Variants in SLC15A1 observed in about 807,000 individuals in gnomAD.
SLC15A1 encodes the protein solute carrier family 15 member 1.
A neutral mutation model predicts 92.9 loss-of-function variants in SLC15A1; 83 were observed. The ratio of observed to expected loss-of-function variants is 0.89; its 90% CI spans 0.75 to 1.07. SLC15A1 has a LOEUF of 1.07. Among genes scored for constraint, SLC15A1 ranks in the 50% least tolerant of loss-of-function variants. The pLI is 0.00. For missense variants in SLC15A1, 857 were observed against 880.1 expected (o/e 0.97, Z 0.33); for synonymous variants, 322 against 318.2 (o/e 1.01, Z -0.13).
At chr13:98,705,023 AT>A (rs1453198702) in intron 16 of SLC15A1, among the ~76,000 whole-genome samples, 1 of 151,870 alleles carries the variant, frequency 6.6e-6, no homozygotes, top group Non-Finnish European at 1.5e-5. Flanking sequence ...ACATGGCAAA[AT>A]CCTGGCTCTA....
chr13:98,722,830 T>G (rs1445403447), intron 5 of SLC15A1, among the ~76,000 whole-genome samples: 1 of 152,176 alleles, frequency 6.6e-6, no homozygotes, highest in African/African-American at 2.4e-5. Flanking sequence ...TTATATACAA[T>G]TTACTCTTGT....
intron 16 of SLC15A1, among the ~76,000 whole-genome samples, chr13:98,705,512 A>G (rs1185268771): frequency 6.6e-6 from 1 of 152,176 alleles, no homozygotes; most frequent in East Asian, 1.9e-4. Flanking sequence ...CCCAGTTTAG[A>G]TCCTTGATCT....
chr13:98,744,147 A>G (rs2088472872), intron 1 of SLC15A1, among the ~76,000 whole-genome samples: 1 of 149,432 alleles, frequency 6.7e-6, no homozygotes, highest in Non-Finnish European at 1.5e-5. Context: ...AGGCTCAGGC[A>G]GGAGGATTGC....
At position 98,686,285 on chromosome 13, in the gene SLC15A1, T is replaced by C; in HGVS notation, c.1840A>G (p.Met614Val). 6.2e-7 allele frequency: 1 copy of C among 1,610,644 alleles called. No individual in the cohort carries two copies. The highest frequency in any genetic ancestry group is 8.5e-7 in the Non-Finnish European group (1 of 1,178,402). The change falls in exon 22 of 23, where the codon ATG (methionine) becomes GTG (valine). Residue 614 changes from methionine to valine, a missense_variant. By Grantham distance (21) the Met-to-Val change is conservative. Transcript: ENST00000376503. ...EFSYSQAPSN[M>V]KSVLQAGWLL... ...CATCCTGCCTGAAGCACCGACTTCATGTTGGAAGGAGCCTGAGGAAGCAAA... is the reference window on the plus strand; with the variant it reads ...CATCCTGCCTGAAGCACCGACTTCACGTTGGAAGGAGCCTGAGGAAGCAAA...
intron 18 of SLC15A1, 110 bp downstream of exon 18, chr13:98,702,370 C>G: frequency 1.2e-6 from 1 of 816,898 alleles, no homozygotes; most frequent in Non-Finnish European, 2.1e-6. Flanking sequence ...ATTGCTGGGA[C>G]AAACCCTATA....
chr13:98,708,765 G>C lies in SLC15A1; in HGVS notation c.1070C>G (p.Ser357Cys). 1 of 1,609,670 alleles carries C rather than the reference G, an allele frequency of 6.2e-7. No individual in the cohort carries two copies. Among genetic ancestry groups the C allele is most frequent in the Non-Finnish European group, 8.5e-7 (1 of 1,178,274 alleles). ...CATGCCAACTGCCATCTTCTTCAAGGAGCTGATGGCACAAGAGAAGAGTGA... is the reference window on the plus strand; with the variant it reads ...CATGCCAACTGCCATCTTCTTCAAGCAGCTGATGGCACAAGAGAAGAGTGA... ...LIAKCGFNFT[S>C]LKKMAVGMVL... The change falls in exon 15 of 23, where the codon TCC (serine) becomes TGC (cysteine). Residue 357 changes from serine to cysteine, a missense_variant and splice_region_variant. Coordinates refer to ENST00000376503, the MANE Select transcript of SLC15A1 (RefSeq NM_005073.4).
chr13:98,684,937 A>G, intron 22 of SLC15A1, 22 bp from the exon 23 acceptor site: 1 of 1,591,216 alleles, frequency 6.3e-7, no homozygotes, highest in South Asian at 1.1e-5. Context: ...TCAGAGTTGG[A>G]GCAGGAAAAA....
intron 1 of SLC15A1, among the ~76,000 whole-genome samples, chr13:98,731,887 T>C (rs2088353198): frequency 6.6e-6 from 1 of 152,172 alleles, no homozygotes; most frequent in South Asian, 2.1e-4. Flanking sequence ...AGTGTAAATC[T>C]GAGACTCAGT....
intron 1 of SLC15A1, among the ~76,000 whole-genome samples, chr13:98,747,258 G>T (rs2088500552): frequency 6.6e-6 from 1 of 152,184 alleles, no homozygotes; most frequent in Admixed American, 6.5e-5. Flanking sequence ...AATGTGGAAA[G>T]GTTCCTCAGG....
intron 1 of SLC15A1, among the ~76,000 whole-genome samples, chr13:98,737,399 G>A (rs1334344303): frequency 2.6e-5 from 4 of 152,080 alleles, no homozygotes; most frequent in Non-Finnish European, 5.9e-5. Context: ...TGTAAATGAC[G>A]GGTTAATGGG....
chr13:98,733,550 G>A (rs544765406), intron 1 of SLC15A1, among the ~76,000 whole-genome samples: 1 of 152,296 alleles, frequency 6.6e-6, no homozygotes, highest in East Asian at 1.9e-4. Context: ...GAGTAAAGTA[G>A]ACAAAGTTGG....
intron 18 of SLC15A1, among the ~76,000 whole-genome samples, chr13:98,689,690 TCCTC>T (rs1697533906): frequency 2.0e-5 from 3 of 152,058 alleles, no homozygotes; most frequent in Non-Finnish European, 2.9e-5. Flanking sequence ...CCTCAAGAGA[TCCTC>T]CCTCCACAGC....
chr13:98,726,541 G>A (rs768013818), intron 2 of SLC15A1, 92 bp from the exon 3 acceptor site: 117 of 1,150,098 alleles, frequency 1.0e-4, no homozygotes, highest in East Asian at 6.3e-4. Context: ...GGCAGCCAAC[G>A]CAGATTCAGT....
chr13:98,693,342 C>T (rs1429250630), intron 18 of SLC15A1, among the ~76,000 whole-genome samples: 10 of 152,156 alleles, frequency 6.6e-5, no homozygotes, highest in Non-Finnish European at 1.5e-4. Flanking sequence ...AGGTGACCTG[C>T]TCACATTGGC....
chr13:98,693,665 G>C (rs1384802277), intron 18 of SLC15A1, among the ~76,000 whole-genome samples: 1 of 152,120 alleles, frequency 6.6e-6, no homozygotes, highest in Non-Finnish European at 1.5e-5. Context: ...CATTCTGTGG[G>C]TTGTCCTTTC....
At chr13:98,748,617 G>A (rs1566462307) in intron 1 of SLC15A1, among the ~76,000 whole-genome samples, 2 of 152,196 alleles carry the variant, frequency 1.3e-5, no homozygotes, top group East Asian at 1.9e-4. Context: ...AGACGGCACC[G>A]GCAGACTAAT....
chr13:98,707,821 G>A (rs1164231356), intron 15 of SLC15A1, among the ~76,000 whole-genome samples: 2 of 147,838 alleles, frequency 1.4e-5, no homozygotes, highest in Non-Finnish European at 3.0e-5. Flanking sequence ...CTTGAGCCCA[G>A]GTGTGGCTGC....
chr13:98,706,356 C>T (rs1272970875), intron 15 of SLC15A1, 103 bp from the exon 16 acceptor site: 36 of 1,359,712 alleles, frequency 2.6e-5, no homozygotes, highest in Admixed American at 1.7e-4. Context: ...GGAAAAGCTG[C>T]GCTGGCTGAA....
chr13:98,712,001 C>G, intron 10 of SLC15A1, 58 bp from the exon 11 acceptor site: 2 of 1,278,250 alleles, frequency 1.6e-6, no homozygotes, highest in South Asian at 1.2e-5. Context: ...GTGCCACTCA[C>G]GGCTTACAGG....
Sources: allele counts gnomAD v4.1 joint callset (sites outside exome capture counted in the v4.1 genomes callset), GRCh38; gene constraint gnomAD v4.1.1; transcripts MANE v1.5; gene names NCBI Gene and HGNC (gene_info 2026-07-23, HGNC 2026-07-21).